Variants in TMPRSS9 observed in about 807,000 individuals in gnomAD.
The protein encoded by TMPRSS9 is transmembrane serine protease 9, also known as transmembrane protease serine 9.
TMPRSS9 carries 113 observed loss-of-function variants against 111.4 expected under a neutral mutation model. That is an observed-to-expected ratio of 1.01 (90% CI 0.87 to 1.19). The LOEUF is 1.19. TMPRSS9 is among the 50% of genes most tolerant of loss of function. The probability of loss-of-function intolerance (pLI) is 0.00; values close to 1 mark genes in which losing one functional copy is unlikely to be tolerated. For missense variants in TMPRSS9, 1,803 were observed against 1,513.1 expected, an observed-to-expected ratio of 1.19 and a Z score of -3.18; for synonymous variants, 805 against 659.1, an observed-to-expected ratio of 1.22 and a Z score of -3.39.
chr19:2,401,616 CT>C (rs933613868), intron 4 of TMPRSS9, among the ~76,000 whole-genome samples: 10 of 150,924 alleles, frequency 6.6e-5, no homozygotes, highest in East Asian at 3.9e-4. Flanking sequence ...TTTCTTTTTT[CT>C]TTTTTTTTGA....
intron 1 of TMPRSS9, among the ~76,000 whole-genome samples, chr19:2,364,819 A>G (rs1472033262): frequency 6.6e-6 from 1 of 151,788 alleles, no homozygotes; most frequent in African/African-American, 2.4e-5. Flanking sequence ...CCCCATCTCT[A>G]CTAAAAATAC....
At chr19:2,364,904 G>A (rs368482067) in intron 1 of TMPRSS9, among the ~76,000 whole-genome samples, 2 of 151,730 alleles carry the variant, frequency 1.3e-5, no homozygotes, top group Non-Finnish European at 1.5e-5. Flanking sequence ...GCGTGAACCC[G>A]GGAGGCAGAG....
intron 13 of TMPRSS9, 151 bp downstream of exon 14, chr19:2,418,289 T>TTC (rs1971310675): frequency 1.4e-6 from 1 of 694,994 alleles, no homozygotes; most frequent in African/African-American, 3.4e-5. Context: ...TTTCCTTTCC[T>TTC]CCTTTCCTTC....
chr19:2,425,463 C>T, exon 17 of TMPRSS9: 2 of 1,591,874 alleles, frequency 1.3e-6, no homozygotes, highest in Non-Finnish European at 1.7e-6. Flanking sequence ...TGTGTGCCGG[C>T]TTCCCGCAGG....
At chr19:2,377,214 C>G (rs1481095007) in intron 1 of TMPRSS9, among the ~76,000 whole-genome samples, 1 of 147,436 alleles carries the variant, frequency 6.8e-6, no homozygotes, top group East Asian at 2.0e-4. Flanking sequence ...CTGCATATGT[C>G]AGTTCCTCGT....
chr19:2,377,470 TCCCCTCTCCTCTCTCCCCCCCA>T (rs1431737405), intron 1 of TMPRSS9, among the ~76,000 whole-genome samples: 8 of 36,096 alleles, frequency 2.2e-4, no homozygotes, highest in African/African-American at 1.3e-3. Context: ...CTCTCCCCTC[TCCCCTCTCCTCTCTCCCCCCCA>T]CCCCTCTCCC....
At chr19:2,401,147 G>A (rs1312394122) in intron 4 of TMPRSS9, among the ~76,000 whole-genome samples, 5 of 152,054 alleles carry the variant, frequency 3.3e-5, no homozygotes, top group African/African-American at 7.2e-5. Context: ...GGTGGCGGGC[G>A]CCTGTAGTCC....
At chr19:2,413,917 G>C in exon 10 of TMPRSS9, 2 of 1,612,788 alleles carry the variant, frequency 1.2e-6, no homozygotes, top group Non-Finnish European at 1.7e-6. Flanking sequence ...AGCACAGCCT[G>C]GCCCACCAGT....
At chr19:2,389,960 T>A (rs891176) in intron 1 of TMPRSS9, 33 bp downstream of exon 2, 1,017,126 of 1,587,096 alleles carry the variant, frequency 0.64, 329,887 homozygotes, top group Middle Eastern at 0.72. Flanking sequence ...GGGTTCGCAA[T>A]ACAAGGGACA....
chr19:2,370,581 G>C (rs942960198), intron 1 of TMPRSS9, among the ~76,000 whole-genome samples: 2 of 152,024 alleles, frequency 1.3e-5, no homozygotes, highest in Admixed American at 1.3e-4. Context: ...CTCCCTCCTT[G>C]GCCTCCCAAG....
rs994182809 is a variant in TMPRSS9 at position 2,401,098 on chromosome 19, C to A, written c.515-877C>A. Among the ~76,000 whole-genome samples the A allele has an allele frequency of 1.9e-4, 29 of 151,084 alleles. 1 individual carries two copies. The East Asian group carries it at 2.3e-3, about 12-fold the overall frequency. On this transcript the variant is annotated intron_variant, in intron 4 of 17. Coordinates refer to ENST00000648592, the Ensembl canonical transcript of TMPRSS9. ...GACCATCCTGGCTAACACGGTGAAA[C>A]CCCGTCTCTACTAAAAATACAAAAA...
exon 4 of TMPRSS9, chr19:2,399,033 T>C (rs1568179034): frequency 5.6e-6 from 9 of 1,611,862 alleles, no homozygotes; most frequent in Non-Finnish European, 5.9e-6. Flanking sequence ...GGAACTCCAG[T>C]GTCCTCGTAC....
intron 1 of TMPRSS9, among the ~76,000 whole-genome samples, chr19:2,361,576 C>T (rs1002218201): frequency 6.6e-5 from 10 of 152,092 alleles, no homozygotes; most frequent in East Asian, 1.9e-4. Flanking sequence ...CAATTAGCCC[C>T]GGCAGGAAAC....
exon 8 of TMPRSS9, chr19:2,408,614 C>T (rs778693073): frequency 1.2e-6 from 2 of 1,611,584 alleles, no homozygotes; most frequent in Non-Finnish European, 1.7e-6. Context: ...GCTGGGGCTA[C>T]CTCAAGGAGG....
intron 13 of TMPRSS9, among the ~76,000 whole-genome samples, chr19:2,421,265 A>G (rs1223454012): frequency 6.6e-6 from 1 of 151,862 alleles, no homozygotes; most frequent in Admixed American, 6.6e-5. Context: ...TGGTGGGACT[A>G]TTCATGGCTG....
chr19:2,382,646 C>G (rs1028847954), intron 1 of TMPRSS9, among the ~76,000 whole-genome samples: 2 of 148,916 alleles, frequency 1.3e-5, no homozygotes, highest in Admixed American at 6.8e-5. Context: ...ACAGACCACA[C>G]ATGCACACAT....
chr19:2,397,171 A>C (rs1267721881), intron 2 of TMPRSS9, among the ~76,000 whole-genome samples: 1 of 151,978 alleles, frequency 6.6e-6, no homozygotes, highest in African/African-American at 2.4e-5. Context: ...TCTTCCCTCC[A>C]CGGCCTCCCA....
rs978352831 is a variant in TMPRSS9 at position 2,424,546 on chromosome 19, C to A, written c.2717+289C>A. 1.0e-3 allele frequency among the ~76,000 whole-genome samples: 154 copies of A among 151,242 alleles called. 1 individual carries two copies. The highest frequency in any genetic ancestry group is 3.5e-3 in the African/African-American group (144 of 40,972). The stretch of plus-strand genomic sequence containing the variant: ...CCCGGAAGCTGCGGCCCCCCCCCTC[C>A]AGCTCCAGGCTAAGCCCACGGGAAC... On this transcript the variant is annotated intron_variant, in intron 15 of 17. Coordinates refer to ENST00000648592, the Ensembl canonical transcript of TMPRSS9.
At chr19:2,388,142 A>G (rs1283240653), upstream of TMPRSS9, among the ~76,000 whole-genome samples, 1 of 152,210 alleles carries the variant, frequency 6.6e-6, no homozygotes, top group Non-Finnish European at 1.5e-5. Context: ...CGGTAATCCC[A>G]GCACTTTGGG....
Sources: allele counts gnomAD v4.1 joint callset (sites outside exome capture counted in the v4.1 genomes callset), GRCh38; gene constraint gnomAD v4.1.1; transcripts MANE v1.5; gene names NCBI Gene and HGNC (gene_info 2026-07-23, HGNC 2026-07-21).